The following EXOC6B variants were observed in gnomAD, a reference collection of about 807,000 sequenced individuals.
EXOC6B encodes SEC15 homolog B.
In EXOC6B, 54 loss-of-function variants were observed where a neutral mutation model predicts 113.5. That is an observed-to-expected ratio of 0.48 (90% CI 0.38 to 0.60). The LOEUF (loss-of-function observed/expected upper bound fraction) is 0.60. Among genes scored for constraint, EXOC6B ranks in the 20% least tolerant of loss-of-function variants. EXOC6B has a pLI of 0.00. For synonymous variants in EXOC6B, 357 were observed against 339.0 expected, an observed-to-expected ratio of 1.05 and a Z score of -0.58; for missense variants, 797 against 977.5, an observed-to-expected ratio of 0.82 and a Z score of 2.46.
At chr2:72,359,719 A>G (rs6711442) in intron 19 of EXOC6B, among the ~76,000 whole-genome samples, 32,217 of 152,046 alleles carry the variant, frequency 0.21, 6,492 homozygotes, top group African/African-American at 0.54. Context: ...ATGTATACTT[A>G]TTTGTATATT....
rs183102254 is a variant in EXOC6B, at chr2:72,676,726, G to A, written c.669+41377C>T. ...AACGAGTCTAGTGGTTGAAAGTGGA[G>A]GGGGAACCACCGAACACCATTTCTT... On this transcript the variant is annotated intron_variant, in intron 6 of 21. Transcript: ENST00000272427. 2.0e-5 allele frequency among the ~76,000 whole-genome samples: 3 copies of A among 152,248 alleles called. No individual in the cohort carries two copies. In the East Asian group the frequency reaches 5.8e-4, roughly 29 times the overall value.
At position 72,649,672 on chromosome 2, in the gene EXOC6B, T is replaced by C. The variant is rs183194126; in HGVS notation, c.669+68431A>G. On this transcript the variant is annotated intron_variant, in intron 6 of 21. Coordinates refer to ENST00000272427, the MANE Select transcript of EXOC6B (RefSeq NM_015189.3). ...AAGTGGGAGAAAGCAGTCTACCTTA[T>C]TGCAAGACTTATACAGCTACAGTAA... is the stretch of plus-strand genomic sequence containing the variant. Among the ~76,000 whole-genome samples the C allele has an allele frequency of 7.2e-5, 11 of 152,292 alleles. 1 individual carries two copies. The highest frequency in any genetic ancestry group is 2.2e-4 in the African/African-American group (9 of 41,564).
intron 19 of EXOC6B, among the ~76,000 whole-genome samples, chr2:72,347,422 C>T (rs1342204519): frequency 1.3e-5 from 2 of 151,992 alleles, no homozygotes; most frequent in East Asian, 1.9e-4. Context: ...AACATATATC[C>T]GAAGCTATGG....
At chr2:72,354,696 A>G (rs1311392757) in intron 19 of EXOC6B, among the ~76,000 whole-genome samples, 1 of 152,226 alleles carries the variant, frequency 6.6e-6, no homozygotes, top group Non-Finnish European at 1.5e-5. Context: ...CAGAGAGTAT[A>G]GGGTCCATCA....
chr2:72,543,643 T>A lies in EXOC6B; in HGVS notation c.915+15810A>T, dbSNP rs113982213. On this transcript the variant is annotated intron_variant, in intron 8 of 21. Transcript: ENST00000272427. ...GAGCAATATGACAATTATGAAATGT[T>A]AGATCACAGCTACTACAAACCGGAG... is the stretch of plus-strand genomic sequence containing the variant. Among the ~76,000 whole-genome samples the A allele has an allele frequency of 1.4e-4, 22 of 152,318 alleles. 2 individuals carry two copies. Among genetic ancestry groups the A allele is most frequent in the African/African-American group, 4.6e-4 (19 of 41,578 alleles).
chr2:72,466,227 C>A (rs1001527724), intron 17 of EXOC6B, among the ~76,000 whole-genome samples: 3 of 151,728 alleles, frequency 2.0e-5, no homozygotes, highest in Admixed American at 2.0e-4. Flanking sequence ...AGCCTGTAAT[C>A]CCAGCTACTC....
chr2:72,340,983 G>C (rs1022649362), intron 19 of EXOC6B, among the ~76,000 whole-genome samples: 7 of 152,090 alleles, frequency 4.6e-5, no homozygotes, highest in African/African-American at 1.7e-4. Context: ...AACGAAGGGA[G>C]AACAATGTCA....
chr2:72,197,062 T>C (rs994768659), intron 20 of EXOC6B, among the ~76,000 whole-genome samples: 3 of 152,126 alleles, frequency 2.0e-5, no homozygotes, highest in Non-Finnish European at 4.4e-5. Context: ...AAGAGACTAG[T>C]GGAAGCAAAG....
At chr2:72,601,337 C>T (rs1308946198) in intron 6 of EXOC6B, among the ~76,000 whole-genome samples, 1 of 151,968 alleles carries the variant, frequency 6.6e-6, no homozygotes, top group Non-Finnish European at 1.5e-5. Flanking sequence ...CACCCACCAC[C>T]ATGCCCAGCT....
intron 18 of EXOC6B, among the ~76,000 whole-genome samples, chr2:72,399,277 A>G (rs1188320827): frequency 4.6e-5 from 7 of 152,202 alleles, no homozygotes; most frequent in Admixed American, 4.6e-4. Context: ...AAAGCAATAT[A>G]CAACAAACCC....
chr2:72,271,815 T>A (rs529899298), intron 20 of EXOC6B, among the ~76,000 whole-genome samples: 3 of 152,072 alleles, frequency 2.0e-5, no homozygotes, highest in Non-Finnish European at 2.9e-5. Context: ...AAAGCTGCTC[T>A]GTAGCAAAGC....
intron 18 of EXOC6B, among the ~76,000 whole-genome samples, chr2:72,418,287 T>C (rs1694657244): frequency 6.6e-6 from 1 of 152,184 alleles, no homozygotes; most frequent in African/African-American, 2.4e-5. Context: ...CATAACACTT[T>C]CCATTTTGCA....
intron 20 of EXOC6B, 27 bp from the exon 21 acceptor site, chr2:72,184,214 G>T: frequency 7.8e-7 from 1 of 1,282,290 alleles, no homozygotes; most frequent in Non-Finnish European, 1.1e-6. Context: ...CCCCACCCCA[G>T]GGATTAGTCA....
At chr2:72,803,411 C>A (rs747191670) in intron 1 of EXOC6B, among the ~76,000 whole-genome samples, 3 of 151,862 alleles carry the variant, frequency 2.0e-5, no homozygotes, top group Non-Finnish European at 4.4e-5. Flanking sequence ...GTTTATTCAA[C>A]ATACAATGAA....
At chr2:72,447,934 T>C (rs963900801) in intron 18 of EXOC6B, among the ~76,000 whole-genome samples, 5 of 152,182 alleles carry the variant, frequency 3.3e-5, no homozygotes, top group Non-Finnish European at 5.9e-5. Context: ...TGCTAAATGA[T>C]TTCTTGGCCA....
chr2:72,567,421 A>G (rs975000468), intron 7 of EXOC6B, among the ~76,000 whole-genome samples: 78 of 152,068 alleles, frequency 5.1e-4, no homozygotes, highest in African/African-American at 1.7e-3. Context: ...TGGAAACCAG[A>G]ATATTTGCAA....
At chr2:72,462,990 T>C (rs1403839034) in intron 18 of EXOC6B, 3 of 152,100 alleles carry the variant, frequency 2.0e-5, no homozygotes, top group Non-Finnish European at 2.9e-5. Context: ...ACTTTGTTTT[T>C]AAATCAAGAA....
chr2:72,429,154 TCA>T (rs1451123887), intron 18 of EXOC6B, among the ~76,000 whole-genome samples: 7 of 152,156 alleles, frequency 4.6e-5, no homozygotes, highest in Non-Finnish European at 8.8e-5. Flanking sequence ...ATCATGGGAG[TCA>T]CATATCCTGA....
intron 20 of EXOC6B, among the ~76,000 whole-genome samples, chr2:72,211,636 T>C (rs1297036615): frequency 6.6e-6 from 1 of 152,182 alleles, no homozygotes. Context: ...CATAATGAGG[T>C]TGCTAGAAGG....
Sources: allele counts gnomAD v4.1 joint callset (sites outside exome capture counted in the v4.1 genomes callset), GRCh38; gene constraint gnomAD v4.1.1; transcripts MANE v1.5; gene names NCBI Gene and HGNC (gene_info 2026-07-23, HGNC 2026-07-21).